Variants in SLC13A2 observed in about 807,000 individuals in gnomAD.
The protein encoded by SLC13A2 is Na(+)-coupled citrate transporter.
Under a neutral mutation model 58.5 loss-of-function variants are expected in SLC13A2, and 40 were observed. That is an observed-to-expected ratio of 0.68 (90% CI 0.53 to 0.89). SLC13A2 has a LOEUF of 0.89. Ranked by LOEUF, SLC13A2 falls within the 40% of genes least tolerant of loss-of-function variation. The pLI, the probability that SLC13A2 is intolerant of heterozygous loss-of-function variation, is 0.00. For missense variants in SLC13A2, 694 were observed against 772.6 expected, an observed-to-expected ratio of 0.90 and a Z score of 1.21; for synonymous variants, 341 against 331.6, an observed-to-expected ratio of 1.03 and a Z score of -0.31.
At chr17:28,489,439 G>T (rs1427380367) in intron 2 of SLC13A2, 97 bp downstream of exon 2, 5 of 1,416,006 alleles carry the variant, frequency 3.5e-6, no homozygotes, top group East Asian at 4.8e-5. Context: ...CTCACCATAG[G>T]CAGGGCACAT....
At chr17:28,473,936 G>C (rs2068628615) in intron 1 of SLC13A2, 122 bp downstream of exon 1, 1 of 790,042 alleles carries the variant, frequency 1.3e-6, no homozygotes, top group Non-Finnish European at 2.1e-6. Flanking sequence ...CTGGAAGTGA[G>C]GCTATCGCCC....
intron 1 of SLC13A2, among the ~76,000 whole-genome samples, chr17:28,477,210 T>TTTTTG (rs1312231155): frequency 2.7e-5 from 4 of 147,266 alleles, no homozygotes; most frequent in African/African-American, 7.5e-5. Context: ...TTTTTTTTTT[T>TTTTTG]TGAGACTGAG....
At chr17:28,495,852 C>T (rs781921893) in intron 10 of SLC13A2, 36 bp downstream of exon 10, 2 of 1,595,094 alleles carry the variant, frequency 1.3e-6, no homozygotes, top group South Asian at 1.1e-5. Context: ...CTCCAGGCAG[C>T]CCGCCTGCCT....
chr17:28,477,193 GTTTTT>G (rs1300546466), intron 1 of SLC13A2, among the ~76,000 whole-genome samples: 1 of 58,436 alleles, frequency 1.7e-5, no homozygotes, highest in African/African-American at 6.6e-5. Flanking sequence ...CAAGTTTTTT[GTTTTT>G]TTTTTTTTTT....
intron 5 of SLC13A2, 41 bp downstream of exon 5, chr17:28,491,658 T>C (rs9890678): frequency 0.96 from 1,549,661 of 1,608,276 alleles, 746,846 homozygotes; most frequent in African/African-American, 0.99. Context: ...GATCTGCACA[T>C]TCACTGGGAG....
chr17:28,480,746 C>A (rs782267793), intron 1 of SLC13A2, among the ~76,000 whole-genome samples: 4 of 152,198 alleles, frequency 2.6e-5, no homozygotes, highest in Non-Finnish European at 5.9e-5. Context: ...CTGGAAAACA[C>A]AGACTGGTCT....
rs782097149 is a variant in SLC13A2, at chr17:28,490,779, GC to G, written c.450del (p.Ile151SerfsTer38). On this transcript the variant is annotated frameshift_variant, in exon 4 of 12. Transcript: ENST00000314669. LOFTEE classifies it high-confidence loss of function. ...ACACGGCCACCTCAGCCATGATGGTGCCCATCGCACATGCCGTCCTGGACCA... is the reference window on the plus strand; with the variant it reads ...ACACGGCCACCTCAGCCATGATGGTGCCATCGCACATGCCGTCCTGGACCA... ...SNTATSAMMVPIAHAVLDQLH... is the reference protein window; with the variant it reads ...SNTATSAMMVXIAHAVLDQLH... 11 of 1,614,006 alleles carry G rather than the reference GC, an allele frequency of 6.8e-6. No individual in the cohort carries two copies. The East Asian group carries it at 2.5e-4, about 36-fold the overall frequency.
chr17:28,482,863 C>T (rs560987576), intron 1 of SLC13A2, among the ~76,000 whole-genome samples: 4 of 152,332 alleles, frequency 2.6e-5, no homozygotes, highest in African/African-American at 9.6e-5. Context: ...GGCTCAGGGA[C>T]GGGGCCCCTT....
intron 1 of SLC13A2, among the ~76,000 whole-genome samples, chr17:28,479,110 A>G (rs1306876760): frequency 6.6e-6 from 1 of 152,074 alleles, no homozygotes; most frequent in Non-Finnish European, 1.5e-5. Context: ...CCTACTTGGG[A>G]GGCTGAGGCA....
rs201000888 is a variant in SLC13A2, at chr17:28,495,663, C to T, written c.1317C>T (p.Gly439=). The T allele has an allele frequency of 3.1e-6, 5 of 1,610,358 alleles. No homozygotes were observed. In the African/African-American group the frequency reaches 5.3e-5, roughly 17 times the overall value. Residue 439 remains glycine, a synonymous_variant, in exon 10 of 12, where the codon GGC becomes GGT. Coordinates refer to ENST00000314669, the MANE Select transcript of SLC13A2 (RefSeq NM_003984.4). ...YALAKGSERS[G]LSEWLGNKLT... ...TCCTCCTCTGCCCACAGCGATCGGG[C>T]CTGTCAGAGTGGCTGGGAAACAAGC... is the stretch of plus-strand genomic sequence containing the variant.
Position 28,494,597 on chromosome 17 carries a change from AG to A in SLC13A2, c.1308+89del. On this transcript the variant is annotated intron_variant, in intron 9 of 11. Transcript: ENST00000314669. This position sits in a 1 kb window ranked among gnomAD's most constrained non-coding sequence, Gnocchi z 4.0. ...AGGGGGCCCTGCTTCTGTCCCACAG[AG>A]GGGAGACCTGGTCCCCACGTAGGAG... 1 of 1,580,534 alleles carries A rather than the reference AG, an allele frequency of 6.3e-7. No individual in the cohort carries two copies. The highest frequency in any genetic ancestry group is 2.2e-5 in the East Asian group (1 of 44,450).
At chr17:28,480,119 A>AC (rs1301417264) in intron 1 of SLC13A2, among the ~76,000 whole-genome samples, 2 of 150,154 alleles carry the variant, frequency 1.3e-5, no homozygotes, top group Non-Finnish European at 3.0e-5. Context: ...ACGCCACTGC[A>AC]CTCCAGCCTG....
At chr17:28,485,641 G>A (rs916713813) in intron 1 of SLC13A2, among the ~76,000 whole-genome samples, 1 of 152,118 alleles carries the variant, frequency 6.6e-6, no homozygotes, top group Non-Finnish European at 1.5e-5. Flanking sequence ...CTGTCAACAA[G>A]GCAAAGCTAG....
chr17:28,489,350 C>CA lies in SLC13A2; in HGVS notation c.231+8_231+9insA. 6.2e-7 allele frequency: 1 copy of CA among 1,612,232 alleles called. No individual in the cohort carries two copies. Among genetic ancestry groups the CA allele is most frequent in the South Asian group, 1.1e-5 (1 of 90,832 alleles). ...ATCGTGGATGCCTCTGAGGTGAGCC[C>CA]CATCCATAGGAGAAAGCGTTCTGGG... On this transcript the variant is annotated intron_variant, in intron 2 of 11. Transcript: ENST00000314669.
chr17:28,497,350 C>A lies in SLC13A2; in HGVS notation c.*81C>A. On this transcript the variant is annotated 3_prime_UTR_variant, in exon 12 of 12. Coordinates refer to ENST00000314669, the MANE Select transcript of SLC13A2 (RefSeq NM_003984.4). ...AGCCCGGAGGGGACACCCCAAGCTC[C>A]AAGCTCCAAGCTCCAGGCCAAAGGC... 1 of 1,473,620 alleles carries A rather than the reference C, an allele frequency of 6.8e-7. No individual in the cohort carries two copies. Among genetic ancestry groups the A allele is most frequent in the Non-Finnish European group, 9.1e-7 (1 of 1,095,266 alleles). 91.3% of individuals were successfully genotyped at this position (1,473,620 alleles called of 1,614,324 possible).
In SLC13A2 at chr17:28,476,476, C is replaced by T. The variant is rs139511088; in HGVS notation, c.102+2662C>T. Among the ~76,000 whole-genome samples the T allele has an allele frequency of 3.3e-4, 50 of 152,236 alleles. 1 individual carries two copies. In the East Asian group the frequency reaches 9.7e-3, roughly 29 times the overall value. ...AAACTTAGGATAAAACCTCTTCAAG[C>T]AGCCAGAAGTCACCAAGGCTCAGCC... On this transcript the variant is annotated intron_variant, in intron 1 of 11. Coordinates refer to ENST00000314669, the MANE Select transcript of SLC13A2 (RefSeq NM_003984.4).
intron 1 of SLC13A2, among the ~76,000 whole-genome samples, chr17:28,477,400 T>G (rs532355251): frequency 5.4e-4 from 82 of 151,792 alleles, no homozygotes; most frequent in South Asian, 1.7e-3. Flanking sequence ...TTCACCGTGT[T>G]AGCCAGGATG....
chr17:28,487,627 C>A (rs1362111976), intron 1 of SLC13A2: 7 of 975,980 alleles, frequency 7.2e-6, no homozygotes, highest in Non-Finnish European at 8.5e-6. Context: ...CACCAGGGTC[C>A]AGGAGGGCTG....
Position 28,495,711 on chromosome 17 carries a change from A to T in SLC13A2, c.1365A>T (p.Pro455=), listed in dbSNP as rs782402147. ...AGCTGACCCCACTGCAGAGTGTGCC[A>T]GCTCCAGCCATTGCCATCATCCTCT... ...GNKLTPLQSV[P]APAIAIILSL... The change falls in exon 10 of 12, where the codon CCA becomes CCT. Residue 455 remains proline, a synonymous_variant. Coordinates refer to ENST00000314669, the MANE Select transcript of SLC13A2 (RefSeq NM_003984.4). The T allele has an allele frequency of 1.2e-6, 2 of 1,612,680 alleles. No individual in the cohort carries two copies. The highest frequency in any genetic ancestry group is 1.7e-6 in the Non-Finnish European group (2 of 1,179,972).
Sources: gnomAD v4.1 joint callset for allele counts (sites outside exome capture counted in the v4.1 genomes callset) on GRCh38, gnomAD v4.1.1 for gene constraint, Gnocchi (gnomAD v3.1) non-coding constraint, MANE v1.5 for transcripts, NCBI Gene and HGNC (gene_info 2026-07-23, HGNC 2026-07-21) for gene names.